Variants in SGK3 observed in about 807,000 individuals in gnomAD.
SGK3 encodes the protein serine/threonine-protein kinase Sgk3.
Under a neutral mutation model 68.5 loss-of-function variants are expected in SGK3, and 47 were observed. That is an observed-to-expected ratio of 0.69 (90% confidence interval 0.54 to 0.87). The LOEUF is 0.87. Among genes scored for constraint, SGK3 ranks in the 40% least tolerant of loss-of-function variants. The pLI, the probability that SGK3 is intolerant of heterozygous loss-of-function variation, is 0.00. For missense variants in SGK3, 479 were observed against 575.5 expected, an observed-to-expected ratio of 0.83 and a Z score of 1.72; for synonymous variants, 181 against 189.1, an observed-to-expected ratio of 0.96 and a Z score of 0.35.
intron 15 of SGK3, among the ~76,000 whole-genome samples, chr8:66,848,722 A>G (rs889694415): frequency 2.0e-5 from 3 of 152,130 alleles, no homozygotes; most frequent in African/African-American, 7.2e-5. Context: ...CAGTAATTAA[A>G]TGTTATCAAA....
At chr8:66,759,118 C>T (rs530827420) in intron 1 of SGK3, among the ~76,000 whole-genome samples, 1 of 144,172 alleles carries the variant, frequency 6.9e-6, no homozygotes, top group Non-Finnish European at 1.5e-5. Context: ...CACTCTGTCT[C>T]CCTGTCTCCC....
At chr8:66,781,936 TGATGTGTGA>T (rs1299218805) in intron 1 of SGK3, among the ~76,000 whole-genome samples, 2 of 152,164 alleles carry the variant, frequency 1.3e-5, no homozygotes, top group Admixed American at 1.3e-4. Flanking sequence ...ATTCATCATG[TGATGTGTGA>T]GGGGAGGGGA....
chr8:66,813,794 T>A, intron 4 of SGK3, 59 bp from the exon 5 acceptor site: 2 of 1,415,818 alleles, frequency 1.4e-6, no homozygotes, highest in South Asian at 3.3e-5. Context: ...TATATAACTG[T>A]TGATGATAAT....
At chr8:66,833,058 T>A (rs1585785763) in intron 8 of SGK3, among the ~76,000 whole-genome samples, 1 of 151,684 alleles carries the variant, frequency 6.6e-6, no homozygotes, top group African/African-American at 2.4e-5. Flanking sequence ...GAGTGCAGAG[T>A]GCAATGGTGG....
intron 1 of SGK3, among the ~76,000 whole-genome samples, chr8:66,723,121 ATATATATATATTTT>A (rs1424254973): frequency 1.2e-3 from 61 of 50,826 alleles, no homozygotes; most frequent in African/African-American, 5.7e-3. Context: ...ATATATATAT[ATATATATATATTTT>A]TTTTTTTTTT....
intron 3 of SGK3, among the ~76,000 whole-genome samples, chr8:66,799,684 C>T (rs1232637265): frequency 2.0e-5 from 3 of 152,162 alleles, no homozygotes; most frequent in Non-Finnish European, 4.4e-5. Context: ...TGCAGTGGCA[C>T]GATCTTGGCT....
At position 66,816,262 on chromosome 8, in the gene SGK3, A is replaced by G. The variant is rs549017160; in HGVS notation, c.329+2334A>G. On this transcript the variant is annotated intron_variant, in intron 5 of 16. Transcript: ENST00000521198. ...CATGATCTGCCCGCCTTGGCCTCCC[A>G]AAGTGCTGAGACTACAGGCGTGATA... 4.6e-5 allele frequency among the ~76,000 whole-genome samples: 7 copies of G among 151,918 alleles called. No individual in the cohort carries two copies. In the South Asian group the frequency reaches 8.3e-4, roughly 18 times the overall value.
chr8:66,823,102 G>C (rs1193831579), intron 6 of SGK3, among the ~76,000 whole-genome samples: 2 of 151,882 alleles, frequency 1.3e-5, no homozygotes, highest in East Asian at 1.9e-4. Flanking sequence ...TAATGTATAG[G>C]GTTTTAAAAT....
Position 66,835,795 on chromosome 8 carries a change from A to C in SGK3, c.558A>C (p.Lys186Asn). The C allele has an allele frequency of 6.2e-7, 1 of 1,612,678 alleles. No individual in the cohort carries two copies. The highest frequency in any genetic ancestry group is 8.5e-7 in the Non-Finnish European group (1 of 1,179,664). Residue 186 changes from lysine (K) to asparagine (N), a missense_variant, in exon 9 of 17, where the codon AAA (lysine) becomes AAC (asparagine). This residue lies in a region of SGK3 where 298 missense variants were observed against 329.4 expected (regional missense o/e 0.90). Transcript: ENST00000521198. ...TTGCAAAACGGAAACTGGATGGAAA[A>C]TTTTATGCTGTCAAAGTGTTACAGA... ...VLLAKRKLDG[K>N]FYAVKVLQKK... is the part of the protein sequence containing the mutation.
chr8:66,819,106 C>A (rs1436735140), intron 5 of SGK3, among the ~76,000 whole-genome samples: 1 of 152,184 alleles, frequency 6.6e-6, no homozygotes, highest in African/African-American at 2.4e-5. Flanking sequence ...GTAATGGTAT[C>A]TTACTGTTGC....
chr8:66,767,302 T>C, intron 1 of SGK3: 2 of 780,864 alleles, frequency 2.6e-6, no homozygotes, highest in South Asian at 3.5e-5. Context: ...TTAATGGTTA[T>C]TTTATTTTAG....
At chr8:66,729,780 TGTCACCCAGG>T (rs1280756226) in intron 1 of SGK3, among the ~76,000 whole-genome samples, 2 of 151,226 alleles carry the variant, frequency 1.3e-5, no homozygotes, top group Non-Finnish European at 2.9e-5. Context: ...GTTTCACTCC[TGTCACCCAGG>T]CTGGAGTACA....
chr8:66,724,685 T>C (rs991680514), intron 1 of SGK3, among the ~76,000 whole-genome samples: 4 of 152,240 alleles, frequency 2.6e-5, no homozygotes, highest in African/African-American at 9.6e-5. Flanking sequence ...CATGTTAGGA[T>C]TAAAAATTTG....
At chr8:66,731,856 C>T (rs1805165951) in intron 1 of SGK3, among the ~76,000 whole-genome samples, 1 of 152,094 alleles carries the variant, frequency 6.6e-6, no homozygotes, top group Non-Finnish European at 1.5e-5. Context: ...TTAAATGTAA[C>T]TTATGTTTAG....
chr8:66,738,201 T>C (rs1190381105), intron 1 of SGK3, among the ~76,000 whole-genome samples: 1 of 152,126 alleles, frequency 6.6e-6, no homozygotes, highest in African/African-American at 2.4e-5. Flanking sequence ...TTTACAAAGC[T>C]CTCTTGATTT....
At chr8:66,847,145 G>T in intron 14 of SGK3, 48 bp from the exon 15 acceptor site, 1 of 1,574,274 alleles carries the variant, frequency 6.4e-7, no homozygotes, top group Non-Finnish European at 8.6e-7. Context: ...CCCCATTTGC[G>T]CATAATTTGT....
intron 1 of SGK3, among the ~76,000 whole-genome samples, chr8:66,770,090 A>T (rs1030970741): frequency 1.3e-5 from 2 of 152,104 alleles, no homozygotes; most frequent in Admixed American, 1.3e-4. Context: ...AGTAGCTGGG[A>T]CTACAGGCGT....
At chr8:66,847,104 G>C in intron 14 of SGK3, 89 bp from the exon 15 acceptor site, 1 of 1,530,630 alleles carries the variant, frequency 6.5e-7, no homozygotes, top group Non-Finnish European at 8.7e-7. Context: ...TTTTTCAACT[G>C]ACTGCTCCCT....
At chr8:66,820,953 G>T (rs1006605608) in intron 5 of SGK3, among the ~76,000 whole-genome samples, 12 of 152,010 alleles carry the variant, frequency 7.9e-5, no homozygotes, top group African/African-American at 2.7e-4. Context: ...TTATCCTTCC[G>T]CTTCAGCCTC....
Sources: gnomAD v4.1 joint callset for allele counts (sites outside exome capture counted in the v4.1 genomes callset) on GRCh38, gnomAD v4.1.1 for gene constraint, gnomAD v4.1.1 regional missense constraint, MANE v1.5 for transcripts, NCBI Gene and HGNC (gene_info 2026-07-23, HGNC 2026-07-21) for gene names.